PCDH9: variants seen among roughly 807,000 people sequenced by gnomAD.
PCDH9 encodes protocadherin 9, also known as protocadherin-9.
PCDH9 carries 24 observed loss-of-function variants against 70.6 expected under a neutral mutation model. The ratio of observed to expected loss-of-function variants is 0.34; its 90% confidence interval spans 0.25 to 0.48. The LOEUF (loss-of-function observed/expected upper bound fraction) is 0.48. PCDH9 is among the 20% of genes least tolerant of loss of function. PCDH9 has a pLI of 0.99. For missense variants in PCDH9, 1,281 were observed against 1,503.6 expected, an observed-to-expected ratio of 0.85 and a Z score of 2.45; for synonymous variants, 562 against 558.5, an observed-to-expected ratio of 1.01 and a Z score of -0.09.
intron 3 of PCDH9, among the ~76,000 whole-genome samples, chr13:66,869,021 T>C (rs955381112): frequency 1.3e-5 from 2 of 152,148 alleles, no homozygotes; most frequent in African/African-American, 4.8e-5. Flanking sequence ...CTCAACTGAC[T>C]ATACAATGAA....
chr13:66,523,225 A>G (rs1223993980), intron 4 of PCDH9, among the ~76,000 whole-genome samples: 1 of 152,010 alleles, frequency 6.6e-6, no homozygotes, highest in Non-Finnish European at 1.5e-5. Context: ...CTTCATTACT[A>G]TCACTATCAA....
At chr13:67,007,112 T>G in intron 2 of PCDH9, among the ~76,000 whole-genome samples, 1 of 152,118 alleles carries the variant, frequency 6.6e-6, no homozygotes, top group East Asian at 1.9e-4. Context: ...TTCTGAATTT[T>G]TTTTTTCTGG....
chr13:66,446,448 G>A (rs1354852893), intron 4 of PCDH9, among the ~76,000 whole-genome samples: 3 of 152,042 alleles, frequency 2.0e-5, no homozygotes, highest in African/African-American at 7.2e-5. Context: ...TGAAAGATGA[G>A]TAGGAAAAAG....
At chr13:66,742,025 G>C (rs1318074224) in intron 3 of PCDH9, among the ~76,000 whole-genome samples, 2 of 121,156 alleles carry the variant, frequency 1.7e-5, no homozygotes, top group African/African-American at 3.1e-5. Flanking sequence ...AAAAGAGCCC[G>C]CATTGCCAAG....
chr13:66,847,111 T>A (rs914317818), intron 3 of PCDH9, among the ~76,000 whole-genome samples: 4 of 152,182 alleles, frequency 2.6e-5, no homozygotes, highest in African/African-American at 9.7e-5. Flanking sequence ...ACCTATTAAG[T>A]AACCTCTCTT....
At chr13:67,084,239 T>C (rs1008692697) in intron 2 of PCDH9, among the ~76,000 whole-genome samples, 1 of 152,176 alleles carries the variant, frequency 6.6e-6, no homozygotes, top group African/African-American at 2.4e-5. Context: ...ATGGATTCAC[T>C]GGCACACAGA....
chr13:66,977,476 A>AG (rs1391536884), intron 2 of PCDH9: 1 of 152,160 alleles, frequency 6.6e-6, no homozygotes, highest in Non-Finnish European at 1.5e-5. Flanking sequence ...AACAACAAAA[A>AG]GGATGACTAC....
At chr13:66,760,696 C>T (rs140630458) in intron 3 of PCDH9, among the ~76,000 whole-genome samples, 37 of 152,202 alleles carry the variant, frequency 2.4e-4, no homozygotes, top group East Asian at 7.7e-4. Context: ...TGACTGCCTG[C>T]GGTGCCAGGC....
intron 2 of PCDH9, among the ~76,000 whole-genome samples, chr13:67,074,331 T>C (rs1228071808): frequency 6.6e-6 from 1 of 152,054 alleles, no homozygotes; most frequent in Non-Finnish European, 1.5e-5. Flanking sequence ...ACACAACAGA[T>C]ATCTATGACC....
intron 3 of PCDH9, among the ~76,000 whole-genome samples, chr13:66,902,261 A>C (rs1312392632): frequency 6.6e-6 from 1 of 151,716 alleles, no homozygotes; most frequent in Non-Finnish European, 1.5e-5. Context: ...TTAGACCCAC[A>C]CAAAGAAAAA....
At chr13:66,530,833 C>T (rs1032558179) in intron 4 of PCDH9, among the ~76,000 whole-genome samples, 1 of 152,026 alleles carries the variant, frequency 6.6e-6, no homozygotes, top group African/African-American at 2.4e-5. Flanking sequence ...AGAACACTAA[C>T]TGCTGAAATA....
chr13:67,189,811 A>G lies in PCDH9; in HGVS notation c.3036+35594T>C, dbSNP rs572023933. 2.3e-4 allele frequency among the ~76,000 whole-genome samples: 35 copies of G among 152,114 alleles called. 1 individual carries two copies. Among genetic ancestry groups the G allele is most frequent in the South Asian group, 1.0e-3 (5 of 4,824 alleles). On this transcript the variant is annotated intron_variant, in intron 2 of 4. Coordinates refer to ENST00000377865, the MANE Select transcript of PCDH9 (RefSeq NM_203487.3). ...ATCATTCCAGATAGAGAGAAAACTT[A>G]GCAAGAGAATAAGAAGTTACTTAGG...
At chr13:66,509,398 G>A (rs1959353723) in intron 4 of PCDH9, among the ~76,000 whole-genome samples, 1 of 152,060 alleles carries the variant, frequency 6.6e-6, no homozygotes, top group Non-Finnish European at 1.5e-5. Flanking sequence ...TAGATGGGTG[G>A]CAATTAGCAA....
At chr13:66,972,470 T>A (rs985821135) in intron 2 of PCDH9, among the ~76,000 whole-genome samples, 17 of 151,948 alleles carry the variant, frequency 1.1e-4, no homozygotes, top group African/African-American at 4.1e-4. Flanking sequence ...TAGTATTATA[T>A]CCTGAAGAAG....
intron 4 of PCDH9, among the ~76,000 whole-genome samples, chr13:66,406,807 A>T (rs1452343357): frequency 6.6e-6 from 1 of 152,234 alleles, no homozygotes; most frequent in African/African-American, 2.4e-5. Flanking sequence ...TGACAGCAAG[A>T]TGCATATATA....
rs149860898 is a variant in PCDH9 at position 66,663,832 on chromosome 13, G to C, written c.3139-32421C>G. ...TTCCATGGAATCCTTTGCAGATAGA[G>C]CCTGATCTAAAATGAGGCATATGTT... On this transcript the variant is annotated intron_variant, in intron 3 of 4. Transcript: ENST00000377865. Among the ~76,000 whole-genome samples the C allele has an allele frequency of 1.1e-3, 169 of 152,282 alleles. 3 individuals are homozygous for C. The East Asian group carries it at 0.029, about 26-fold the overall frequency.
intron 2 of PCDH9, chr13:67,214,956 A>ATATATATATATATG (rs2089564166): frequency 1.4e-5 from 1 of 73,538 alleles, no homozygotes; most frequent in Non-Finnish European, 2.9e-5. Context: ...ATATATATAT[A>ATATATATATATATG]TATATATATA....
At chr13:66,675,451 T>C (rs915909182) in intron 3 of PCDH9, among the ~76,000 whole-genome samples, 2 of 152,156 alleles carry the variant, frequency 1.3e-5, no homozygotes, top group Admixed American at 1.3e-4. Context: ...TTGTGAATTA[T>C]TGCATGTTTC....
At chr13:67,107,257 A>C (rs1378495676) in intron 2 of PCDH9, among the ~76,000 whole-genome samples, 1 of 150,644 alleles carries the variant, frequency 6.6e-6, no homozygotes, top group African/African-American at 2.4e-5. Context: ...CCCCTCCTTC[A>C]AGCCCGTGTC....
Sources: gnomAD v4.1 joint callset for allele counts (sites outside exome capture counted in the v4.1 genomes callset) on GRCh38, gnomAD v4.1.1 for gene constraint, MANE v1.5 for transcripts, NCBI Gene and HGNC (gene_info 2026-07-23, HGNC 2026-07-21) for gene names.